The following CTIF variants were observed in gnomAD, a reference collection of about 807,000 sequenced individuals.
The protein encoded by CTIF is CBP80/20-dependent translation initiation factor.
CTIF carries 21 observed loss-of-function variants against 66.0 expected under a neutral mutation model. The observed-to-expected ratio is 0.32, with a 90% confidence interval of 0.23 to 0.46. CTIF has a LOEUF of 0.46. Among genes scored for constraint, CTIF ranks in the 20% least tolerant of loss-of-function variants. The pLI is 1.00. For synonymous variants in CTIF, 345 were observed against 326.4 expected, an observed-to-expected ratio of 1.06 and a Z score of -0.62; for missense variants, 739 against 812.7, an observed-to-expected ratio of 0.91 and a Z score of 1.10.
chr18:48,772,040 G>A (rs1331054297), intron 9 of CTIF, among the ~76,000 whole-genome samples: 3 of 152,254 alleles, frequency 2.0e-5, no homozygotes, highest in Non-Finnish European at 4.4e-5. Flanking sequence ...TACCAAGAGA[G>A]AGCAGTGGCC....
At chr18:48,708,657 G>A (rs1391356692) in intron 6 of CTIF, among the ~76,000 whole-genome samples, 1 of 152,202 alleles carries the variant, frequency 6.6e-6, no homozygotes, top group Non-Finnish European at 1.5e-5. Context: ...CTCAGAGGGT[G>A]CAAGGCTTTG....
At chr18:48,780,726 A>C (rs1911127829) in intron 9 of CTIF, among the ~76,000 whole-genome samples, 1 of 152,240 alleles carries the variant, frequency 6.6e-6, no homozygotes, top group Non-Finnish European at 1.5e-5. Context: ...TCCGCACACA[A>C]GAGGCAGCGT....
intron 9 of CTIF, among the ~76,000 whole-genome samples, chr18:48,775,191 C>T (rs573293092): frequency 6.6e-6 from 1 of 152,306 alleles, no homozygotes; most frequent in South Asian, 2.1e-4. Context: ...CAGCCCTACA[C>T]TTACTCTTCT....
Position 48,827,163 on chromosome 18 carries a change from G to T in CTIF, c.1527+9787G>T, listed in dbSNP as rs568276231. 1.1e-4 allele frequency among the ~76,000 whole-genome samples: 17 copies of T among 152,266 alleles called. 1 individual carries two copies. The highest frequency in any genetic ancestry group is 3.4e-3 in the Middle Eastern group (1 of 294). On this transcript the variant is annotated intron_variant, in intron 10 of 11. Coordinates refer to ENST00000256413, the MANE Select transcript of CTIF (RefSeq NM_014772.3). ...AATGCAGGATGACTCCAAGAACCTT[G>T]GAAAGGTTTTAAGCCAGAAAGCAAC...
chr18:48,671,574 A>G (rs762755951), intron 6 of CTIF, among the ~76,000 whole-genome samples: 2 of 152,188 alleles, frequency 1.3e-5, no homozygotes, highest in Non-Finnish European at 1.5e-5. Context: ...AATAGAGCAT[A>G]CAGTTAAGAC....
At chr18:48,617,397 G>A (rs1224841680) in intron 1 of CTIF, among the ~76,000 whole-genome samples, 1 of 152,206 alleles carries the variant, frequency 6.6e-6, no homozygotes, top group Non-Finnish European at 1.5e-5. Flanking sequence ...ATTTAATTTT[G>A]TCTGCAAAAT....
intron 2 of CTIF, chr18:48,621,521 G>A: frequency 2.7e-6 from 1 of 364,508 alleles, no homozygotes; most frequent in Non-Finnish European, 5.3e-6. Flanking sequence ...AAGAAAGAAT[G>A]TGAGGAGAAG....
At chr18:48,841,992 T>C (rs2068954982) in intron 10 of CTIF, among the ~76,000 whole-genome samples, 1 of 152,140 alleles carries the variant, frequency 6.6e-6, no homozygotes, top group Non-Finnish European at 1.5e-5. Context: ...AGGCTTTGCC[T>C]CCGGTTTCAT....
intron 3 of CTIF, among the ~76,000 whole-genome samples, chr18:48,655,456 C>T (rs903236624): frequency 6.6e-6 from 1 of 152,168 alleles, no homozygotes; most frequent in African/African-American, 2.4e-5. Flanking sequence ...CAGGGAACCC[C>T]GTGTCCATGA....
At chr18:48,587,322 C>T (rs1348708629) in intron 1 of CTIF, among the ~76,000 whole-genome samples, 7 of 151,816 alleles carry the variant, frequency 4.6e-5, no homozygotes, top group African/African-American at 1.7e-4. Context: ...CCTCATGATC[C>T]ATCCACCTCG....
rs4044188 is a variant in CTIF at position 48,667,082 on chromosome 18, G to GACACACACACACAC, written c.431+2552_431+2565dup. On this transcript the variant is annotated intron_variant, in intron 5 of 11. Transcript: ENST00000256413. ...CATGGTGCTGGGTACCAGGAAAGTA[G>GACACACACACACAC]ACACACACACACACACACACACACA... Among the ~76,000 whole-genome samples, 1,125 of 142,250 alleles carry GACACACACACACAC rather than the reference G, an allele frequency of 7.9e-3. 12 individuals carry two copies. Among genetic ancestry groups the GACACACACACACAC allele is most frequent in the South Asian group, 0.025 (108 of 4,262 alleles). 93.3% of individuals were successfully genotyped at this position (142,250 alleles called of 152,430 possible).
intron 3 of CTIF, among the ~76,000 whole-genome samples, chr18:48,660,673 C>T (rs2091326660): frequency 6.6e-6 from 1 of 152,248 alleles, no homozygotes; most frequent in African/African-American, 2.4e-5. Context: ...GCTCTCTGCA[C>T]AGGGGCATTG....
chr18:48,685,519 G>A (rs1444179975), intron 6 of CTIF, among the ~76,000 whole-genome samples: 7 of 151,312 alleles, frequency 4.6e-5, no homozygotes, highest in South Asian at 4.2e-4. Flanking sequence ...CACCACTCTC[G>A]GCTGAGTATG....
intron 9 of CTIF, among the ~76,000 whole-genome samples, chr18:48,804,474 A>G (rs544069197): frequency 1.3e-5 from 2 of 152,318 alleles, no homozygotes; most frequent in South Asian, 4.1e-4. Context: ...AGCTGTGAGT[A>G]CAGCCCAGCA....
At chr18:48,542,427 A>T (rs141023324) in intron 1 of CTIF, among the ~76,000 whole-genome samples, 133 of 152,374 alleles carry the variant, frequency 8.7e-4, no homozygotes, top group Middle Eastern at 6.8e-3. Context: ...CTGGAGGGTT[A>T]TTAAGTTTAG....
intron 6 of CTIF, among the ~76,000 whole-genome samples, chr18:48,672,916 C>G (rs2091559523): frequency 6.6e-6 from 1 of 152,128 alleles, no homozygotes; most frequent in African/African-American, 2.4e-5. Context: ...CCCTGTCAGT[C>G]CCTCCCCTGA....
chr18:48,810,395 GA>G (rs1271004135), intron 9 of CTIF, among the ~76,000 whole-genome samples: 1 of 151,938 alleles, frequency 6.6e-6, no homozygotes, highest in African/African-American at 2.4e-5. Flanking sequence ...TTATTTCCTA[GA>G]TAATCTAATA....
chr18:48,845,111 CAAAGAAAAGAGGGAAAGGAAG>C (rs1568264656), intron 10 of CTIF, among the ~76,000 whole-genome samples: 1 of 83,876 alleles, frequency 1.2e-5, no homozygotes, highest in Non-Finnish European at 2.3e-5. Context: ...GTTCCAAAAA[CAAAGAAAAGAGGGAAAGGAAG>C]GAAGAGAAGA....
chr18:48,616,090 G>A (rs2090394697), intron 1 of CTIF, among the ~76,000 whole-genome samples: 1 of 152,226 alleles, frequency 6.6e-6, no homozygotes, highest in Non-Finnish European at 1.5e-5. Flanking sequence ...GGCTGCTGCT[G>A]CAGGCAGAGC....
Sources: allele counts gnomAD v4.1 joint callset (sites outside exome capture counted in the v4.1 genomes callset), GRCh38; gene constraint gnomAD v4.1.1; transcripts MANE v1.5; gene names NCBI Gene and HGNC (gene_info 2026-07-23, HGNC 2026-07-21).